The following LPCAT3 variants were observed in gnomAD, a reference collection of about 807,000 sequenced individuals.
LPCAT3 encodes lysophosphatidylcholine acyltransferase 3.
In LPCAT3, 21 loss-of-function variants were observed where a neutral mutation model predicts 63.4. The ratio of observed to expected loss-of-function variants is 0.33; its 90% CI spans 0.23 to 0.48. The LOEUF is 0.48. Ranked by LOEUF, LPCAT3 falls within the 20% of genes least tolerant of loss-of-function variation. The pLI, the probability that LPCAT3 is intolerant of heterozygous loss-of-function variation, is 0.99. For missense variants in LPCAT3, 451 were observed against 590.6 expected, an observed-to-expected ratio of 0.76 and a Z score of 2.45; for synonymous variants, 242 against 227.5, an observed-to-expected ratio of 1.06 and a Z score of -0.58.
intron 1 of LPCAT3, among the ~76,000 whole-genome samples, chr12:6,984,691 A>G (rs958610601): frequency 6.6e-6 from 1 of 152,014 alleles, no homozygotes; most frequent in Non-Finnish European, 1.5e-5. Flanking sequence ...GGCTCAAGTG[A>G]TCCTCCAACT....
chr12:7,010,233 A>AT (rs753853653), intron 1 of LPCAT3, among the ~76,000 whole-genome samples: 88 of 151,752 alleles, frequency 5.8e-4, no homozygotes, highest in Admixed American at 1.7e-3. Context: ...TTTTCTCAAA[A>AT]TTTTTTTTTC....
intron 6 of LPCAT3, among the ~76,000 whole-genome samples, chr12:6,980,195 G>A (rs1373776210): frequency 6.6e-6 from 1 of 151,950 alleles, no homozygotes; most frequent in African/African-American, 2.4e-5. Context: ...CTATAGGCAT[G>A]TACCACCTTG....
At chr12:6,976,981 A>T (rs1331699578) in intron 12 of LPCAT3, 90 bp from the exon 13 acceptor site, 1 of 618,916 alleles carries the variant, frequency 1.6e-6, no homozygotes, top group Non-Finnish European at 2.9e-6. Context: ...GCATGCCTCA[A>T]TAAGTCACAG....
intron 1 of LPCAT3, among the ~76,000 whole-genome samples, chr12:6,984,834 C>T (rs1371311403): frequency 6.6e-6 from 1 of 152,196 alleles, no homozygotes; most frequent in African/African-American, 2.4e-5. Flanking sequence ...ATCTTCCTGC[C>T]TTGGCCTCCC....
chr12:6,981,260 G>T, intron 5 of LPCAT3, 78 bp from the exon 6 acceptor site: 1 of 1,194,496 alleles, frequency 8.4e-7, no homozygotes, highest in Non-Finnish European at 1.2e-6. Flanking sequence ...TTCCCCACCT[G>T]TGTGCCCCAC....
chr12:7,007,105 G>A (rs766427109), intron 1 of LPCAT3, among the ~76,000 whole-genome samples: 18 of 151,678 alleles, frequency 1.2e-4, no homozygotes, highest in Admixed American at 3.9e-4. Context: ...GTGCAATGGC[G>A]CGATCTCGGC....
chr12:6,979,416 G>T, intron 7 of LPCAT3, 55 bp downstream of exon 7: 1 of 1,306,260 alleles, frequency 7.7e-7, no homozygotes, highest in Non-Finnish European at 1.1e-6. Flanking sequence ...ATCCTTGCCT[G>T]TCCATTTTCT....
intron 1 of LPCAT3, among the ~76,000 whole-genome samples, chr12:7,008,901 T>C (rs1946744567): frequency 6.6e-6 from 1 of 152,222 alleles, no homozygotes; most frequent in African/African-American, 2.4e-5. Flanking sequence ...CATCTCTTTA[T>C]TCCTCAGATA....
Position 6,977,462 on chromosome 12 carries a change from G to A in LPCAT3, c.1252C>T (p.Pro418Ser). The A allele has an allele frequency of 1.2e-6, 2 of 1,614,212 alleles. No individual in the cohort carries two copies. The highest frequency in any genetic ancestry group is 1.7e-6 in the Non-Finnish European group (2 of 1,180,042). ...SKLAAITVLQ[P>S]FYYLVQQTIH... is the part of the protein sequence containing the mutation. ...GTCTGTTGCACCAAATAGTAGAAGG[G>A]CTGGAGGACAGTAATGGCGGCCAGC... Residue 418 changes from proline (P) to serine (S), a missense_variant, in exon 11 of 13, where the codon CCC becomes TCC. By Grantham distance (74) the Pro-to-Ser change is moderately conservative. Around this residue, in one of 3 missense-constraint regions of LPCAT3, gnomAD observed 304 missense variants for 390.8 expected, o/e 0.78. Coordinates refer to ENST00000261407, the MANE Select transcript of LPCAT3 (RefSeq NM_005768.6). The surrounding 1 kb of genome is among the most constrained non-coding windows in gnomAD (Gnocchi z 4.5).
chr12:7,017,698 ATGACAGGTAGG>A lies in LPCAT3; in HGVS notation c.151+565_151+575del, dbSNP rs1212644986. ...GCATTAAAATGATATTCCAGGGTAA[ATGACAGGTAGG>A]TGGCTTGGAAAATAAAAAAAGCAAC... is the stretch of plus-strand genomic sequence containing the variant. On this transcript the variant is annotated intron_variant, in intron 1 of 12. Coordinates refer to ENST00000261407, the MANE Select transcript of LPCAT3 (RefSeq NM_005768.6). This position sits in a 1 kb window ranked among gnomAD's most constrained non-coding sequence, Gnocchi z 4.1. Among the ~76,000 whole-genome samples, 2 of 152,202 alleles carry A rather than the reference ATGACAGGTAGG, an allele frequency of 1.3e-5. No homozygotes were observed. Among genetic ancestry groups the A allele is most frequent in the Non-Finnish European group, 2.9e-5 (2 of 68,042 alleles).
chr12:6,992,364 A>T (rs1946597793), intron 1 of LPCAT3, among the ~76,000 whole-genome samples: 1 of 151,862 alleles, frequency 6.6e-6, no homozygotes, highest in Admixed American at 6.6e-5. Flanking sequence ...TTCATCAACG[A>T]TTCTTAAGTG....
At chr12:6,990,058 T>C (rs781968697) in intron 1 of LPCAT3, among the ~76,000 whole-genome samples, 1 of 151,610 alleles carries the variant, frequency 6.6e-6, no homozygotes, top group Non-Finnish European at 1.5e-5. Context: ...GTGCCTGTAG[T>C]CCCAGCTACT....
intron 7 of LPCAT3, 54 bp from the exon 8 acceptor site, chr12:6,978,743 T>G: frequency 1.3e-6 from 2 of 1,599,540 alleles, no homozygotes; most frequent in Non-Finnish European, 1.7e-6. Flanking sequence ...AGGCAGTTTC[T>G]CTCAGCACTC....
At chr12:6,997,379 A>ATG (rs201579525) in intron 1 of LPCAT3, 18,249 of 113,876 alleles carry the variant, frequency 0.16, 1,441 homozygotes, top group East Asian at 0.3. Context: ...ACAGCAAATT[A>ATG]TGTGTGTGTG....
chr12:6,983,577 C>T, intron 1 of LPCAT3, 38 bp from the exon 2 acceptor site: 1 of 1,329,252 alleles, frequency 7.5e-7, no homozygotes, highest in Non-Finnish European at 1.1e-6. Flanking sequence ...GTTATTTGTG[C>T]CTGGTGCCAT....
intron 1 of LPCAT3, among the ~76,000 whole-genome samples, chr12:7,007,225 T>C (rs373444661): frequency 3.3e-5 from 5 of 151,322 alleles, no homozygotes; most frequent in African/African-American, 1.2e-4. Context: ...TTGGATTTTT[T>C]TTTTTAGTAG....
At chr12:6,983,691 C>A in intron 1 of LPCAT3, 152 bp from the exon 2 acceptor site, 1 of 587,716 alleles carries the variant, frequency 1.7e-6, no homozygotes, top group Non-Finnish European at 3.0e-6. Flanking sequence ...AAGGCAATAA[C>A]GGTATCCCCA....
intron 1 of LPCAT3, among the ~76,000 whole-genome samples, chr12:7,007,037 A>G (rs1488537607): frequency 6.6e-6 from 1 of 152,050 alleles, no homozygotes; most frequent in East Asian, 1.9e-4. Context: ...TGGATCTTCT[A>G]TTATAGCAAA....
intron 1 of LPCAT3, chr12:6,997,379 ATGTG>A (rs201579525): frequency 0.069 from 7,895 of 114,022 alleles, 484 homozygotes; most frequent in African/African-American, 0.18. Flanking sequence ...ACAGCAAATT[ATGTG>A]TGTGTGTGTG....
Sources: allele counts gnomAD v4.1 joint callset (sites outside exome capture counted in the v4.1 genomes callset), GRCh38; gene constraint gnomAD v4.1.1; regional missense constraint gnomAD v4.1.1; non-coding constraint Gnocchi (gnomAD v3.1); transcripts MANE v1.5; gene names NCBI Gene and HGNC (gene_info 2026-07-23, HGNC 2026-07-21).